KLHL42: variants seen among roughly 807,000 people sequenced by gnomAD.
KLHL42 encodes the protein kelch like family member 42.
KLHL42 carries 27 observed loss-of-function variants against 32.7 expected under a neutral mutation model. That is an observed-to-expected ratio of 0.83 (90% CI 0.61 to 1.14). The LOEUF (loss-of-function observed/expected upper bound fraction) is 1.14. Among genes scored for constraint, KLHL42 ranks in the 50% most tolerant of loss-of-function variants. KLHL42 has a pLI of 0.00. For missense variants in KLHL42, 491 were observed against 560.8 expected (o/e 0.88, Z 1.26); for synonymous variants, 267 against 248.2 (o/e 1.08, Z -0.71).
chr12:27,780,854 C>T lies in KLHL42; in HGVS notation c.524C>T (p.Ala175Val), dbSNP rs757348968. 7 of 1,613,780 alleles carry T rather than the reference C, an allele frequency of 4.3e-6. No individual in the cohort carries two copies. The East Asian group carries it at 1.1e-4, about 26-fold the overall frequency. The change falls in exon 1 of 3, where the codon GCT (alanine) becomes GTT (valine). Residue 175 changes from alanine to valine, a missense_variant. Ala to Val is a moderately conservative substitution (Grantham distance 64). This residue lies in a region of KLHL42 where 248 missense variants were observed against 329.2 expected (regional missense o/e 0.75). Transcript: ENST00000381271. The surrounding 1 kb of genome is among the most constrained non-coding windows in gnomAD (Gnocchi z 8.8). ...QFHLLGSPPQAPGDVSLKQRL... is the reference protein window; with the variant it reads ...QFHLLGSPPQVPGDVSLKQRL... Reference sequence around the variant, plus strand: ...CACCTCCTGGGGTCTCCTCCCCAAGCTCCAGGGGATGTCAGCCTGAAGCAG... The same window carrying T: ...CACCTCCTGGGGTCTCCTCCCCAAGTTCCAGGGGATGTCAGCCTGAAGCAG...
At chr12:27,781,433 G>T (rs1372912727) in intron 1 of KLHL42, among the ~76,000 whole-genome samples, 1 of 152,176 alleles carries the variant, frequency 6.6e-6, no homozygotes, top group Non-Finnish European at 1.5e-5. Flanking sequence ...GGCAGGTATT[G>T]TGCCTTTAGG....
intron 1 of KLHL42, chr12:27,788,296 A>C (rs1206389579): frequency 6.6e-6 from 1 of 152,104 alleles, no homozygotes; most frequent in Non-Finnish European, 1.5e-5. Flanking sequence ...TTGTAGTCAC[A>C]ACTTGAGGTG....
chr12:27,788,720 A>T (rs567548227), intron 1 of KLHL42, among the ~76,000 whole-genome samples: 79 of 152,198 alleles, frequency 5.2e-4, no homozygotes, highest in African/African-American at 1.8e-3. Context: ...TTTAAAAAAA[A>T]TTTTTCTTAT....
chr12:27,780,957 T>C lies in KLHL42; in HGVS notation c.627T>C (p.Pro209=). ...ACTTCCTGGGGGGACCCCTGGCCCC[T>C]CACCCCTACCAGGGGGAGCCCCCGT... is the stretch of plus-strand genomic sequence containing the variant. ...LGDFLGGPLA[P]HPYQGEPPSM... is the part of the protein sequence containing the mutation. Residue 209 remains proline (P), a synonymous_variant, in exon 1 of 3, where the codon CCT becomes CCC. Coordinates refer to ENST00000381271, the MANE Select transcript of KLHL42 (RefSeq NM_020782.2). The surrounding 1 kb of genome is among the most constrained non-coding windows in gnomAD (Gnocchi z 8.8). 2 of 1,600,952 alleles carry C rather than the reference T, an allele frequency of 1.2e-6. No homozygotes were observed. The highest frequency in any genetic ancestry group is 1.7e-6 in the Non-Finnish European group (2 of 1,170,754).
Position 27,800,035 on chromosome 12 carries a change from T to C in KLHL42, c.*1869T>C, listed in dbSNP as rs1473047428. 4 of 934,472 alleles carry C rather than the reference T, an allele frequency of 4.3e-6. No homozygotes were observed. The highest frequency in any genetic ancestry group is 4.9e-5 in the South Asian group (1 of 20,252). The allele number at this position is 934,472 out of a possible 1,614,324, so 57.9% of individuals were successfully genotyped here. A position where few individuals can be genotyped will look rare whatever the true frequency, so the allele number is the denominator to read the frequency against. On this transcript the variant is annotated 3_prime_UTR_variant, in exon 3 of 3. Transcript: ENST00000381271. ...CAGTGACCTGTAATTTCATTACATA[T>C]ATTTTAAAATCTATTTATTTTAGAT...
In KLHL42 at chr12:27,780,473, G is replaced by C; in HGVS notation, c.143G>C (p.Gly48Ala). The change falls in exon 1 of 3, where the codon GGC becomes GCC. Residue 48 changes from glycine (G) to alanine (A), a missense_variant. Around this residue, in one of 4 missense-constraint regions of KLHL42, gnomAD observed 88 missense variants for 89.0 expected, o/e 0.99. Coordinates refer to ENST00000381271, the MANE Select transcript of KLHL42 (RefSeq NM_020782.2). The surrounding 1 kb of genome is among the most constrained non-coding windows in gnomAD (Gnocchi z 8.8). Reference protein sequence around the residue: ...MREALSQEAGGPEVQQLRGLS... With the variant: ...MREALSQEAGAPEVQQLRGLS... ...GAGGCCCTGAGCCAGGAGGCCGGCG[G>C]CCCGGAGGTGCAGCAGCTGCGCGGC... is the stretch of plus-strand genomic sequence containing the variant. The C allele has an allele frequency of 1.3e-6, 2 of 1,544,464 alleles. No individual in the cohort carries two copies. Among genetic ancestry groups the C allele is most frequent in the Non-Finnish European group, 1.7e-6 (2 of 1,145,906 alleles).
chr12:27,792,699 T>C (rs1180575777), intron 2 of KLHL42, among the ~76,000 whole-genome samples: 1 of 151,948 alleles, frequency 6.6e-6, no homozygotes, highest in African/African-American at 2.4e-5. Context: ...ATTTTTGTAT[T>C]TTTAGTAGAG....
rs780791135 is a variant in KLHL42, at chr12:27,800,277, G to C, written c.*2111G>C. On this transcript the variant is annotated 3_prime_UTR_variant, in exon 3 of 3. Transcript: ENST00000381271. Reference sequence around the variant, plus strand: ...GCCTAATGTTGACAATTAGATTCTTGGACCAAGTGAGGGTGTACTCTGATC... The same window carrying C: ...GCCTAATGTTGACAATTAGATTCTTCGACCAAGTGAGGGTGTACTCTGATC... 1.9e-5 allele frequency: 19 copies of C among 985,104 alleles called. No individual in the cohort carries two copies. Among genetic ancestry groups the C allele is most frequent in the Non-Finnish European group, 2.3e-5 (19 of 829,900 alleles). 61.0% of individuals were successfully genotyped at this position (985,104 alleles called of 1,614,324 possible).
At position 27,801,890 on chromosome 12, in the gene KLHL42, T is replaced by A. The variant is rs1265799974; in HGVS notation, c.*3724T>A. On this transcript the variant is annotated 3_prime_UTR_variant, in exon 3 of 3. Transcript: ENST00000381271. ...GCTAAGAACAGAATACAGACATAAA[T>A]AAGTCACGGCCCATGACCTTGAAGA... The A allele has an allele frequency of 6.6e-6, 1 of 152,072 alleles. No individual in the cohort carries two copies. Among genetic ancestry groups the A allele is most frequent in the Admixed American group, 6.6e-5 (1 of 15,244 alleles). 9.4% of individuals were successfully genotyped at this position (152,072 alleles called of 1,614,324 possible). A position where few individuals can be genotyped will look rare whatever the true frequency, so the allele number is the denominator to read the frequency against.
chr12:27,797,364 A>G (rs1291720910), intron 2 of KLHL42: 3 of 475,736 alleles, frequency 6.3e-6, no homozygotes, highest in Non-Finnish European at 1.2e-5. Flanking sequence ...TTTTGTAGCT[A>G]TTGATGAGGG....
chr12:27,792,213 G>A lies in KLHL42; in HGVS notation c.1066+312G>A, dbSNP rs561257763. 37 of 211,272 alleles carry A rather than the reference G, an allele frequency of 1.8e-4. No homozygotes were observed. In the East Asian group the frequency reaches 4.4e-3, roughly 25 times the overall value. 13.1% of individuals were successfully genotyped at this position (211,272 alleles called of 1,614,324 possible). A position where few individuals can be genotyped will look rare whatever the true frequency, so the allele number is the denominator to read the frequency against. On this transcript the variant is annotated intron_variant, in intron 2 of 2. Coordinates refer to ENST00000381271, the MANE Select transcript of KLHL42 (RefSeq NM_020782.2). ...GTCAGCCGTCTTGTGATTTGGCTGG[G>A]CCTGGTTTGTGGGGGTCGCTCTCTG...
At position 27,791,775 on chromosome 12, in the gene KLHL42, G is replaced by A. The variant is rs752258684; in HGVS notation, c.940G>A (p.Val314Ile). The A allele has an allele frequency of 2.8e-5, 45 of 1,614,192 alleles. No individual in the cohort carries two copies. The highest frequency in any genetic ancestry group is 3.3e-5 in the Non-Finnish European group (39 of 1,180,018). ...YAIGGQAVSN[V>I]ECYNPEQDAW... ...CATCGGAGGGCAGGCCGTTTCTAAC[G>A]TTGAGTGTTACAACCCCGAGCAGGA... Residue 314 changes from valine (V) to isoleucine (I), a missense_variant, in exon 2 of 3, where the codon GTT becomes ATT. Coordinates refer to ENST00000381271, the MANE Select transcript of KLHL42 (RefSeq NM_020782.2).
At chr12:27,791,978 GGA>G (rs1344790525) in intron 2 of KLHL42, 77 bp downstream of exon 2, 2 of 1,232,996 alleles carry the variant, frequency 1.6e-6, no homozygotes, top group African/African-American at 3.0e-5. Context: ...GGGTGTCAGA[GGA>G]AGCCCCGACA....
chr12:27,789,900 C>A (rs2062188722), intron 1 of KLHL42, among the ~76,000 whole-genome samples: 1 of 152,144 alleles, frequency 6.6e-6, no homozygotes, highest in East Asian at 1.9e-4. Flanking sequence ...ATTGGAAAAA[C>A]AAACTAAAAC....
rs1010072459 is a variant in KLHL42, at chr12:27,801,221, C to T, written c.*3055C>T. ...CCCTGCCATTTTTTTTTTTTTAACA[C>T]CAAGATCCTAAGTAATTCCAAATGC... On this transcript the variant is annotated 3_prime_UTR_variant, in exon 3 of 3. Coordinates refer to ENST00000381271, the MANE Select transcript of KLHL42 (RefSeq NM_020782.2). 1 of 151,368 alleles carries T rather than the reference C, an allele frequency of 6.6e-6. No individual in the cohort carries two copies. Among genetic ancestry groups the T allele is most frequent in the East Asian group, 1.9e-4 (1 of 5,144 alleles). The allele number at this position is 151,368 out of a possible 1,614,324, so 9.4% of individuals were successfully genotyped here. A position where few individuals can be genotyped will look rare whatever the true frequency, so the allele number is the denominator to read the frequency against.
intron 1 of KLHL42, among the ~76,000 whole-genome samples, chr12:27,783,300 C>T (rs1397785562): frequency 6.6e-6 from 1 of 151,776 alleles, no homozygotes; most frequent in African/African-American, 2.4e-5. Flanking sequence ...TTTGCAGTCT[C>T]GGGGTGGCAG....
intron 1 of KLHL42, among the ~76,000 whole-genome samples, chr12:27,783,895 T>C (rs2062159865): frequency 6.6e-6 from 1 of 152,150 alleles, no homozygotes; most frequent in Non-Finnish European, 1.5e-5. Context: ...TACCTCACGC[T>C]TTTTAATGGC....
Position 27,780,905 on chromosome 12 carries a change from G to A in KLHL42, c.575G>A (p.Gly192Glu). The change falls in exon 1 of 3, where the codon GGG (glycine) becomes GAG (glutamate). Residue 192 changes from glycine (G) to glutamate (E), a missense_variant. By Grantham distance (98) the Gly-to-Glu change is moderately conservative (BLOSUM62 -2). This residue lies in a region of KLHL42 where 248 missense variants were observed against 329.2 expected (regional missense o/e 0.75). Transcript: ENST00000381271. The surrounding 1 kb of genome is among the most constrained non-coding windows in gnomAD (Gnocchi z 8.8). ...KQRLREARMT[G>E]TPVLVALGDF... Reference sequence around the variant, plus strand: ...AGGCTGAGGGAGGCCCGGATGACTGGGACTCCTGTCCTCGTGGCCCTCGGG... The same window carrying A: ...AGGCTGAGGGAGGCCCGGATGACTGAGACTCCTGTCCTCGTGGCCCTCGGG... The A allele has an allele frequency of 6.2e-7, 1 of 1,609,766 alleles. No individual in the cohort carries two copies. Among genetic ancestry groups the A allele is most frequent in the Admixed American group, 1.7e-5 (1 of 59,928 alleles).
intron 1 of KLHL42, among the ~76,000 whole-genome samples, chr12:27,784,721 T>G (rs2062164429): frequency 6.6e-6 from 1 of 152,244 alleles, no homozygotes; most frequent in Non-Finnish European, 1.5e-5. Flanking sequence ...CCATCAAAAG[T>G]GTTTGTGCTT....
Sources: allele counts gnomAD v4.1 joint callset (sites outside exome capture counted in the v4.1 genomes callset), GRCh38; gene constraint gnomAD v4.1.1; regional missense constraint gnomAD v4.1.1; non-coding constraint Gnocchi (gnomAD v3.1); transcripts MANE v1.5; gene names NCBI Gene and HGNC (gene_info 2026-07-23, HGNC 2026-07-21).